Variants in SCD5 observed in about 807,000 individuals in gnomAD.
The protein encoded by SCD5 is stearoyl-CoA desaturase 5, also known as acyl-CoA-desaturase 4.
SCD5 carries 20 observed loss-of-function variants against 30.4 expected under a neutral mutation model. That is an observed-to-expected ratio of 0.66 (90% CI 0.46 to 0.96). SCD5 has a LOEUF of 0.96. SCD5 is among the 40% of genes least tolerant of loss of function. The probability of loss-of-function intolerance (pLI) is 0.00; values close to 1 mark genes in which losing one functional copy is unlikely to be tolerated. For synonymous variants in SCD5, 173 were observed against 176.4 expected, an observed-to-expected ratio of 0.98 and a Z score of 0.16; for missense variants, 381 against 443.3, an observed-to-expected ratio of 0.86 and a Z score of 1.26.
chr4:82,650,020 G>T (rs1727715498), intron 3 of SCD5, among the ~76,000 whole-genome samples: 1 of 152,218 alleles, frequency 6.6e-6, no homozygotes, highest in Non-Finnish European at 1.5e-5. Flanking sequence ...CACGAGTGGT[G>T]ATGTCCACGT....
intron 1 of SCD5, among the ~76,000 whole-genome samples, chr4:82,727,408 C>A (rs1720527179): frequency 6.6e-6 from 1 of 152,224 alleles, no homozygotes; most frequent in African/African-American, 2.4e-5. Context: ...CATCCTCACC[C>A]TCTATGAGTA....
chr4:82,724,787 G>A (rs891209990), intron 1 of SCD5, among the ~76,000 whole-genome samples: 1 of 152,226 alleles, frequency 6.6e-6, no homozygotes, highest in Admixed American at 6.5e-5. Context: ...GAAAACTGCT[G>A]TCGTTGTGCC....
intron 1 of SCD5, among the ~76,000 whole-genome samples, chr4:82,744,605 G>A (rs1223415012): frequency 1.3e-5 from 2 of 152,174 alleles, no homozygotes; most frequent in Admixed American, 6.5e-5. Context: ...TGAGTTTTCA[G>A]ACTTCATGCC....
At chr4:82,662,921 A>T (rs929826286) in intron 3 of SCD5, among the ~76,000 whole-genome samples, 1 of 151,892 alleles carries the variant, frequency 6.6e-6, no homozygotes, top group Non-Finnish European at 1.5e-5. Flanking sequence ...AATAATTATG[A>T]TACATCGTCA....
chr4:82,682,990 A>G (rs1293066568), intron 2 of SCD5, among the ~76,000 whole-genome samples: 12 of 152,072 alleles, frequency 7.9e-5, no homozygotes, highest in Non-Finnish European at 1.2e-4. Context: ...TAATTTTTCT[A>G]TTTTTAGTGG....
intron 1 of SCD5, among the ~76,000 whole-genome samples, chr4:82,771,607 G>A (rs1030766149): frequency 2.6e-5 from 4 of 151,738 alleles, no homozygotes; most frequent in African/African-American, 9.7e-5. Context: ...ACAGTTTGGG[G>A]AGGCTGGGGA....
At chr4:82,719,423 G>C (rs1720308557) in intron 1 of SCD5, among the ~76,000 whole-genome samples, 1 of 151,702 alleles carries the variant, frequency 6.6e-6, no homozygotes, top group African/African-American at 2.4e-5. Context: ...AAGATAAAAA[G>C]AGAATATAGT....
intron 1 of SCD5, among the ~76,000 whole-genome samples, chr4:82,793,547 C>T (rs979203579): frequency 1.6e-4 from 24 of 152,318 alleles, no homozygotes; most frequent in Non-Finnish European, 3.1e-4. Context: ...AAGCCAAGTT[C>T]TGTGCCATCT....
intron 1 of SCD5, among the ~76,000 whole-genome samples, chr4:82,771,015 G>T (rs1188364672): frequency 6.6e-6 from 1 of 152,122 alleles, no homozygotes; most frequent in African/African-American, 2.4e-5. Context: ...ACCCAGCCTG[G>T]AGTGCAGTGG....
At chr4:82,768,709 CAAA>C (rs1721548568) in intron 1 of SCD5, among the ~76,000 whole-genome samples, 1 of 152,056 alleles carries the variant, frequency 6.6e-6, no homozygotes, top group Non-Finnish European at 1.5e-5. Flanking sequence ...AGGTGCGAGT[CAAA>C]GAAGAATGAA....
intron 1 of SCD5, among the ~76,000 whole-genome samples, chr4:82,742,078 CA>C (rs11366931): frequency 0.19 from 17,334 of 92,288 alleles, 2,480 homozygotes; most frequent in African/African-American, 0.45. Context: ...GAGTCCGTCT[CA>C]AAAAAAAAAA....
At chr4:82,771,669 T>C (rs1721625814) in intron 1 of SCD5, among the ~76,000 whole-genome samples, 1 of 152,128 alleles carries the variant, frequency 6.6e-6, no homozygotes, top group African/African-American at 2.4e-5. Context: ...CATGCCTGCC[T>C]CTCCACCTGC....
chr4:82,675,195 T>A (rs1728410547), intron 3 of SCD5, among the ~76,000 whole-genome samples: 1 of 152,166 alleles, frequency 6.6e-6, no homozygotes, highest in African/African-American at 2.4e-5. Context: ...GGAATGCTGA[T>A]AATGGGAGAG....
intron 1 of SCD5, among the ~76,000 whole-genome samples, chr4:82,770,358 T>C (rs1490280196): frequency 1.3e-5 from 2 of 152,212 alleles, no homozygotes; most frequent in African/African-American, 4.8e-5. Context: ...CTCCCTTCTC[T>C]TTGATAGCTG....
intron 1 of SCD5, among the ~76,000 whole-genome samples, chr4:82,785,809 A>G (rs1721973128): frequency 6.6e-6 from 1 of 152,138 alleles, no homozygotes; most frequent in Non-Finnish European, 1.5e-5. Context: ...GAAGGGGGAG[A>G]TATGTAGGCA....
At chr4:82,684,308 T>G (rs1728648763) in intron 2 of SCD5, among the ~76,000 whole-genome samples, 2 of 152,274 alleles carry the variant, frequency 1.3e-5, no homozygotes, top group South Asian at 4.1e-4. Context: ...TGTTTTCAAG[T>G]GTAAAGCTGA....
At chr4:82,708,372 A>T (rs553252758) in intron 1 of SCD5, among the ~76,000 whole-genome samples, 1 of 152,258 alleles carries the variant, frequency 6.6e-6, no homozygotes, top group Non-Finnish European at 1.5e-5. Flanking sequence ...AAAACCAACC[A>T]TTGGCCTAGG....
intron 2 of SCD5, 47 bp from the exon 3 acceptor site, chr4:82,680,959 G>C (rs778108124): frequency 6.4e-7 from 1 of 1,558,964 alleles, no homozygotes; most frequent in Admixed American, 1.7e-5. Flanking sequence ...CCGCACCGCC[G>C]AGCATCCTCC....
At chr4:82,640,864 A>AT (rs149510192) in intron 3 of SCD5, among the ~76,000 whole-genome samples, 5,696 of 152,210 alleles carry the variant, frequency 0.037, 140 homozygotes, top group South Asian at 0.092. Context: ...TCCTTTCGTC[A>AT]TTTGGTGATA....
Sources: gnomAD v4.1 joint callset for allele counts (sites outside exome capture counted in the v4.1 genomes callset) on GRCh38, gnomAD v4.1.1 for gene constraint, MANE v1.5 for transcripts, NCBI Gene and HGNC (gene_info 2026-07-23, HGNC 2026-07-21) for gene names.